The following DMD variants were observed in gnomAD, a reference collection of about 807,000 sequenced individuals.
The protein encoded by DMD is dystrophin.
In DMD, 63 loss-of-function variants were observed where a neutral mutation model predicts 330.1. That is an observed-to-expected ratio of 0.19 (90% confidence interval 0.16 to 0.24). The LOEUF is 0.24. DMD is among the 10% of genes least tolerant of loss of function. DMD has a pLI of 1.00. For synonymous variants in DMD, 1,223 were observed against 959.8 expected, an observed-to-expected ratio of 1.27 and a Z score of -5.07; for missense variants, 3,344 against 2,684.1, an observed-to-expected ratio of 1.25 and a Z score of -5.43.
chrX:31,174,986 A>T (rs868566934), intron 71 of DMD, among the ~76,000 whole-genome samples: 2 of 111,708 alleles, frequency 1.8e-5, no homozygotes, highest in Non-Finnish European at 3.8e-5. Context: ...TCAATTTAAT[A>T]AGCAGATCCA....
chrX:32,432,040 C>G (rs1010810491), intron 29 of DMD, among the ~76,000 whole-genome samples: 5 of 111,959 alleles, frequency 4.5e-5, no homozygotes, highest in Non-Finnish European at 9.4e-5. Flanking sequence ...TTGGATATTT[C>G]TTTACCCTTT....
At chrX:31,587,190 T>TA (rs1025181758) in intron 55 of DMD, among the ~76,000 whole-genome samples, 2 of 110,924 alleles carry the variant, frequency 1.8e-5, no homozygotes, top group South Asian at 7.5e-4. Context: ...GTTTTTTATT[T>TA]AAAAAAATCA....
At chrX:32,518,584 G>T (rs2046098457) in intron 17 of DMD, among the ~76,000 whole-genome samples, 1 of 111,304 alleles carries the variant, frequency 9.0e-6, no homozygotes, top group South Asian at 3.7e-4. Flanking sequence ...TATCACAAAT[G>T]GGACAATAGT....
chrX:32,077,525 G>A (rs1167636274), intron 44 of DMD, among the ~76,000 whole-genome samples: 1 of 111,244 alleles, frequency 9.0e-6, no homozygotes, highest in Non-Finnish European at 1.9e-5. Flanking sequence ...ACTTCTTAAA[G>A]CTTCCTTGCT....
intron 19 of DMD, among the ~76,000 whole-genome samples, chrX:32,491,818 A>G (rs1451444436): frequency 1.8e-5 from 2 of 111,814 alleles, no homozygotes; most frequent in East Asian, 5.6e-4. Flanking sequence ...AAAAGTGCTC[A>G]AAGCTCTGAT....
intron 4 of DMD, among the ~76,000 whole-genome samples, chrX:32,839,564 T>G (rs185872271): frequency 4.5e-4 from 50 of 112,005 alleles, no homozygotes; most frequent in African/African-American, 1.6e-3. Context: ...ATTTATATCC[T>G]GCACAGGCTT....
chrX:31,747,386 G>A (rs1357427927), intron 51 of DMD, among the ~76,000 whole-genome samples: 1 of 111,647 alleles, frequency 9.0e-6, no homozygotes, highest in Non-Finnish European at 1.9e-5. Context: ...TTTCCCTATA[G>A]GAGCACAGTG....
chrX:32,291,017 T>C (rs1235100019), intron 42 of DMD, among the ~76,000 whole-genome samples: 1 of 111,478 alleles, frequency 9.0e-6, no homozygotes, highest in Non-Finnish European at 1.9e-5. Context: ...TTAGAGCTAG[T>C]AGGTAACACA....
chrX:33,009,392 ATG>A (rs1491384550), intron 2 of DMD, among the ~76,000 whole-genome samples: 6 of 85,141 alleles, frequency 7.0e-5, no homozygotes, highest in Non-Finnish European at 1.1e-4. Context: ...ACGTGTATAT[ATG>A]TGTGTATATG....
Position 31,178,722 on chromosome X carries a change from G to A in DMD, c.10170C>T (p.Pro3390=), listed in dbSNP as rs1300921854. Reference sequence around the variant, plus strand: ...TCTGCACTGGCAGGTAGCCCATTCGGGGATGCTTCGCAAAATACCTTTTGG... The same window carrying A: ...TCTGCACTGGCAGGTAGCCCATTCGAGGATGCTTCGCAAAATACCTTTTGG... ...FRTKRYFAKH[P]RMGYLPVQTV... is the part of the protein sequence containing the mutation. Residue 3390 remains proline, a synonymous_variant, in exon 70 of 79, where the codon CCC becomes CCT. Transcript: ENST00000357033. 8.3e-7 allele frequency: 1 copy of A among 1,210,870 alleles called. No individual in the cohort carries two copies. The highest frequency in any genetic ancestry group is 1.1e-6 in the Non-Finnish European group (1 of 894,909).
intron 59 of DMD, among the ~76,000 whole-genome samples, chrX:31,456,876 G>GTGTGTGTGTGTGTGTATA (rs752346201): frequency 8.7e-4 from 60 of 68,725 alleles, no homozygotes; most frequent in Admixed American, 1.4e-3. Flanking sequence ...GTGTGTGTGT[G>GTGTGTGTGTGTGTGTATA]TATATATATA....
intron 1 of DMD, among the ~76,000 whole-genome samples, chrX:33,294,825 T>G (rs1285388520): frequency 9.0e-6 from 1 of 110,608 alleles, no homozygotes; most frequent in African/African-American, 3.3e-5. Context: ...CCCTTGGCAA[T>G]AGATTATAGA....
At chrX:31,880,845 A>G (rs995388844) in intron 47 of DMD, among the ~76,000 whole-genome samples, 2 of 112,532 alleles carry the variant, frequency 1.8e-5, no homozygotes, top group Non-Finnish European at 3.7e-5. Flanking sequence ...AGTATGCAAT[A>G]CTTGATAATG....
intron 13 of DMD, among the ~76,000 whole-genome samples, chrX:32,583,180 G>A (rs762439516): frequency 9.0e-6 from 1 of 111,672 alleles, no homozygotes; most frequent in East Asian, 2.8e-4. Context: ...TGTTTGTCTG[G>A]TGCATTTTTT....
At chrX:32,752,352 T>A (rs2070936900) in intron 7 of DMD, among the ~76,000 whole-genome samples, 2 of 110,882 alleles carry the variant, frequency 1.8e-5, no homozygotes, top group Admixed American at 9.6e-5. Flanking sequence ...TCAAAGGAGA[T>A]CATTTTGGAG....
intron 47 of DMD, among the ~76,000 whole-genome samples, chrX:31,918,497 G>A (rs1256671370): frequency 9.0e-6 from 1 of 111,728 alleles, no homozygotes; most frequent in Non-Finnish European, 1.9e-5. Context: ...TTAACCACAC[G>A]CGAACTGAGA....
intron 44 of DMD, among the ~76,000 whole-genome samples, chrX:32,181,146 T>C (rs1374894829): frequency 1.8e-5 from 2 of 111,765 alleles, no homozygotes; most frequent in African/African-American, 6.5e-5. Flanking sequence ...TTTTCGAGAG[T>C]GAGCAGTGTG....
In DMD at chrX:32,449,302, G is replaced by A. The variant is rs748035741; in HGVS notation, c.3604-664C>T. ...AAAAGGCCACTTTGTTTCCATAATG[G>A]ATCAAGACCATGACAAGATCATTCC... On this transcript the variant is annotated intron_variant, in intron 26 of 78. Transcript: ENST00000357033. 2.4e-4 allele frequency among the ~76,000 whole-genome samples: 27 copies of A among 110,432 alleles called. No individual in the cohort carries two copies. In the South Asian group the frequency reaches 0.01, roughly 42 times the overall value.
At chrX:32,645,260 C>T (rs1005262214) in intron 9 of DMD, 108 bp from the exon 10 acceptor site, 6 of 856,833 alleles carry the variant, frequency 7.0e-6, no homozygotes, top group Non-Finnish European at 9.9e-6. Context: ...GGACTGTCCA[C>T]TGGCATTATC....
Sources: gnomAD v4.1 joint callset for allele counts (sites outside exome capture counted in the v4.1 genomes callset) on GRCh38, gnomAD v4.1.1 for gene constraint, MANE v1.5 for transcripts, NCBI Gene and HGNC (gene_info 2026-07-23, HGNC 2026-07-21) for gene names.